Variants in EMID1 observed in about 807,000 individuals in gnomAD.
EMID1 encodes EMI domain containing 1.
EMID1 carries 40 observed loss-of-function variants against 60.6 expected under a neutral mutation model. The ratio of observed to expected loss-of-function variants is 0.66; its 90% CI spans 0.51 to 0.86. EMID1 has a LOEUF of 0.86. Ranked by LOEUF, EMID1 falls within the 40% of genes least tolerant of loss-of-function variation. EMID1 has a pLI of 0.00. For synonymous variants in EMID1, 242 were observed against 231.0 expected (o/e 1.05, Z -0.43); for missense variants, 585 against 597.1 (o/e 0.98, Z 0.21).
At chr22:29,234,065 A>G in intron 10 of EMID1, 72 bp from the exon 11 acceptor site, 2 of 1,529,688 alleles carry the variant, frequency 1.3e-6, no homozygotes, top group Non-Finnish European at 1.8e-6. Flanking sequence ...CCTCCCCAAC[A>G]CCTCTGTTCC....
chr22:29,221,719 G>A (rs2040307745), intron 3 of EMID1, among the ~76,000 whole-genome samples: 1 of 152,128 alleles, frequency 6.6e-6, no homozygotes, highest in Non-Finnish European at 1.5e-5. Flanking sequence ...ACAACCTGTG[G>A]CTTCTTCCTT....
chr22:29,258,860 C>G lies in EMID1; in HGVS notation c.1248C>G (p.Thr416=), dbSNP rs201268969. 5.0e-6 allele frequency: 8 copies of G among 1,613,050 alleles called. No individual in the cohort carries two copies. In the African/African-American group the frequency reaches 1.1e-4, roughly 22 times the overall value. ...GGGCGGGCCCTGCCGGCACAGGCAC[C>G]CCCAGCCTCCTTCGGGGCAAGAGGG... ...GSGAGPAGTG[T]PSLLRGKRGG... Residue 416 remains threonine, a synonymous_variant, in exon 15 of 15, where the codon ACC becomes ACG. Coordinates refer to ENST00000334018, the MANE Select transcript of EMID1 (RefSeq NM_133455.4).
chr22:29,225,324 G>A, intron 4 of EMID1, 108 bp downstream of exon 4: 1 of 1,181,386 alleles, frequency 8.5e-7, no homozygotes, highest in Admixed American at 2.0e-5. Context: ...TGGCAGTGGA[G>A]GGTCAAGGAC....
chr22:29,238,868 A>G (rs1312620806), intron 12 of EMID1, among the ~76,000 whole-genome samples: 2 of 143,114 alleles, frequency 1.4e-5, no homozygotes, highest in Non-Finnish European at 3.0e-5. Flanking sequence ...TGATTTTCTG[A>G]AATTTGGATA....
chr22:29,215,098 G>A (rs2040034431), intron 2 of EMID1, 59 bp downstream of exon 2: 2 of 1,484,516 alleles, frequency 1.3e-6, no homozygotes, highest in East Asian at 5.0e-5. Context: ...TTTGGGCAAA[G>A]GCCTGGTTGG....
intron 7 of EMID1, chr22:29,231,905 T>G: frequency 1.8e-6 from 1 of 563,012 alleles, no homozygotes. Context: ...TATCAGGCTC[T>G]GAGCTGGGCA....
At chr22:29,224,638 G>T (rs530822033) in intron 3 of EMID1, among the ~76,000 whole-genome samples, 1 of 152,206 alleles carries the variant, frequency 6.6e-6, no homozygotes, top group African/African-American at 2.4e-5. Flanking sequence ...CAGCCACGGC[G>T]GCCATTTATT....
chr22:29,213,465 G>C (rs898573017), intron 1 of EMID1, among the ~76,000 whole-genome samples: 4 of 152,164 alleles, frequency 2.6e-5, no homozygotes, highest in Non-Finnish European at 5.9e-5. Context: ...ACTGATTCTG[G>C]TGTGGCACAG....
In EMID1 at chr22:29,206,057, T is replaced by G. The variant is rs2039634933; in HGVS notation, c.19T>G (p.Trp7Gly). ...GTGCAGCATGGGCGGCCCGCGGGCT[T>G]GGGCGCTGCTCTGCCTCGGGCTCCT... Reference protein sequence around the residue: MGGPRAWALLCLGLLLP... With the variant: MGGPRAGALLCLGLLLP... Residue 7 changes from tryptophan to glycine, a missense_variant, in exon 1 of 15, where the codon TGG becomes GGG. By Grantham distance (184) the Trp-to-Gly change is radical (BLOSUM62 -2). Coordinates refer to ENST00000334018, the MANE Select transcript of EMID1 (RefSeq NM_133455.4). 2.4e-6 allele frequency: 3 copies of G among 1,228,992 alleles called. No individual in the cohort carries two copies. In the South Asian group the frequency reaches 1.2e-4, roughly 51 times the overall value. The allele number at this position is 1,228,992 out of a possible 1,614,324, so 76.1% of individuals were successfully genotyped here.
chr22:29,215,160 A>G, intron 2 of EMID1, 121 bp downstream of exon 2: 1 of 1,425,640 alleles, frequency 7.0e-7, no homozygotes, highest in Non-Finnish European at 9.2e-7. Flanking sequence ...TGGGCGGAGC[A>G]AAGGTAGCAT....
At chr22:29,238,920 G>T (rs1168342440) in intron 12 of EMID1, among the ~76,000 whole-genome samples, 1 of 143,716 alleles carries the variant, frequency 7.0e-6, no homozygotes, top group Non-Finnish European at 1.5e-5. Flanking sequence ...ATCCTATATG[G>T]TATTCCCTTA....
At chr22:29,255,682 T>G (rs2041678899) in intron 14 of EMID1, 1 of 234,638 alleles carries the variant, frequency 4.3e-6, no homozygotes, top group African/African-American at 2.2e-5. Context: ...TGAGCTACAC[T>G]GCAGGAAAGG....
At chr22:29,210,505 C>T (rs1384564061) in intron 1 of EMID1, among the ~76,000 whole-genome samples, 3 of 151,770 alleles carry the variant, frequency 2.0e-5, no homozygotes, top group Non-Finnish European at 2.9e-5. Context: ...CAAAGTGTTG[C>T]GATTACAGGC....
chr22:29,231,740 C>T (rs1169720336), intron 7 of EMID1, 58 bp downstream of exon 7: 1 of 1,397,868 alleles, frequency 7.2e-7, no homozygotes, highest in South Asian at 1.6e-5. Context: ...ACCAGGTGGG[C>T]CCTTCCCTGC....
At chr22:29,239,827 T>C (rs1432261003) in intron 12 of EMID1, among the ~76,000 whole-genome samples, 1 of 151,534 alleles carries the variant, frequency 6.6e-6, no homozygotes, top group East Asian at 1.9e-4. Flanking sequence ...TGGCTCGATC[T>C]TGGCTCACTG....
At chr22:29,248,259 CTTT>C (rs33924066) in intron 13 of EMID1, among the ~76,000 whole-genome samples, 22,735 of 116,048 alleles carry the variant, frequency 0.2, 1,995 homozygotes, top group East Asian at 0.22. Flanking sequence ...GTGCCTGGCC[CTTT>C]TTTTTTTTTT....
chr22:29,234,429 A>T (rs908937919), intron 12 of EMID1, 80 bp downstream of exon 12: 14 of 1,501,870 alleles, frequency 9.3e-6, no homozygotes, highest in Middle Eastern at 2.3e-4. Context: ...CATCCCCTGC[A>T]ACCAGAGCTT....
chr22:29,244,264 C>CA (rs905254659), intron 13 of EMID1, among the ~76,000 whole-genome samples: 23 of 152,138 alleles, frequency 1.5e-4, no homozygotes, highest in Admixed American at 3.3e-4. Context: ...CCACACACCG[C>CA]AAAATCTCAT....
rs756491503 is a variant in EMID1 at position 29,232,320 on chromosome 22, A to T, written c.741A>T (p.Gly247=). The change falls in exon 8 of 15, where the codon GGA becomes GGT. Residue 247 remains glycine (G), a synonymous_variant. Coordinates refer to ENST00000334018, the MANE Select transcript of EMID1 (RefSeq NM_133455.4). The part of the protein sequence containing the change: ...AGAVGTPGER[G]PPGPPGPPGP... Reference sequence around the variant, plus strand: ...CTGTGGGCACCCCTGGAGAGAGGGGACCTCCTGGGCCACCAGGGCCTCCTG... The same window carrying T: ...CTGTGGGCACCCCTGGAGAGAGGGGTCCTCCTGGGCCACCAGGGCCTCCTG... 4.6e-5 allele frequency: 74 copies of T among 1,609,998 alleles called. No individual in the cohort carries two copies. The highest frequency in any genetic ancestry group is 6.3e-5 in the Non-Finnish European group (74 of 1,179,260).
Sources: gnomAD v4.1 joint callset for allele counts (sites outside exome capture counted in the v4.1 genomes callset) on GRCh38, gnomAD v4.1.1 for gene constraint, MANE v1.5 for transcripts, NCBI Gene and HGNC (gene_info 2026-07-23, HGNC 2026-07-21) for gene names.